The following GPATCH1 variants were observed in gnomAD, a reference collection of about 807,000 sequenced individuals.
GPATCH1 encodes the protein G-patch domain containing 1, also known as G patch domain-containing protein 1.
GPATCH1 carries 73 observed loss-of-function variants against 114.9 expected under a neutral mutation model. The observed-to-expected ratio is 0.64, with a 90% CI of 0.53 to 0.77. GPATCH1 has a LOEUF of 0.77. Among genes scored for constraint, GPATCH1 ranks in the 30% least tolerant of loss-of-function variants. The probability of loss-of-function intolerance (pLI) is 0.00; values close to 1 mark genes in which losing one functional copy is unlikely to be tolerated. For synonymous variants in GPATCH1, 391 were observed against 428.4 expected, an observed-to-expected ratio of 0.91 and a Z score of 1.08; for missense variants, 1,058 against 1,144.3, an observed-to-expected ratio of 0.92 and a Z score of 1.09.
At chr19:33,096,814 A>G (rs1019138984) in intron 7 of GPATCH1, among the ~76,000 whole-genome samples, 1 of 152,020 alleles carries the variant, frequency 6.6e-6, no homozygotes, top group African/African-American at 2.4e-5. Flanking sequence ...TTTTTAGTAG[A>G]GACGGGGTTT....
chr19:33,097,610 G>A (rs985697162), intron 7 of GPATCH1, 145 bp from the exon 8 acceptor site: 11 of 715,816 alleles, frequency 1.5e-5, no homozygotes, highest in Admixed American at 7.9e-5. Flanking sequence ...TGTGTTGGTC[G>A]ATCTGGGACC....
chr19:33,126,759 T>C (rs1225415677), intron 19 of GPATCH1, 26 bp downstream of exon 19: 3 of 1,568,966 alleles, frequency 1.9e-6, no homozygotes, highest in Admixed American at 1.9e-5. Context: ...TGGAGGGTTT[T>C]TCAGAAACCT....
intron 9 of GPATCH1, among the ~76,000 whole-genome samples, chr19:33,102,482 C>T (rs1422203492): frequency 1.3e-5 from 2 of 150,820 alleles, no homozygotes; most frequent in African/African-American, 2.4e-5. Flanking sequence ...CCGCAACCTC[C>T]GCCTCCCAAA....
At chr19:33,116,923 G>A (rs1174165383) in intron 15 of GPATCH1, among the ~76,000 whole-genome samples, 2 of 152,080 alleles carry the variant, frequency 1.3e-5, no homozygotes, top group African/African-American at 4.8e-5. Flanking sequence ...GGCTGGGTGT[G>A]TTGGCTCACA....
At chr19:33,084,598 G>T (rs756214372) in intron 1 of GPATCH1, among the ~76,000 whole-genome samples, 1 of 150,476 alleles carries the variant, frequency 6.6e-6, no homozygotes, top group Admixed American at 6.6e-5. Flanking sequence ...TCCATCTTCC[G>T]CTCATTCCTT....
chr19:33,087,001 G>T (rs1972540724), intron 1 of GPATCH1, among the ~76,000 whole-genome samples: 1 of 151,936 alleles, frequency 6.6e-6, no homozygotes, highest in African/African-American at 2.4e-5. Flanking sequence ...TATTTCTTGT[G>T]TCTCCCTCTT....
chr19:33,108,503 T>A (rs116040822), intron 10 of GPATCH1, among the ~76,000 whole-genome samples: 1,623 of 152,028 alleles, frequency 0.011, 28 homozygotes, highest in African/African-American at 0.037. Context: ...TTTTTGTGAA[T>A]CTGGCTCTTT....
At chr19:33,106,467 G>A (rs980793090) in intron 9 of GPATCH1, among the ~76,000 whole-genome samples, 1 of 152,068 alleles carries the variant, frequency 6.6e-6, no homozygotes, top group Admixed American at 6.6e-5. Context: ...TGGGTGGGAG[G>A]ATATTCGAAA....
Position 33,117,292 on chromosome 19 carries a change from C to T in GPATCH1, c.2197-533C>T, listed in dbSNP as rs567726377. On this transcript the variant is annotated intron_variant, in intron 15 of 19. Coordinates refer to ENST00000170564, the MANE Select transcript of GPATCH1 (RefSeq NM_018025.3). ...TTTTTACTTGGTCTTTGGATTTTAG[C>T]GGTTTGATTATGATGTATCTGGGTG... 7.2e-5 allele frequency among the ~76,000 whole-genome samples: 11 copies of T among 152,034 alleles called. No homozygotes were observed. The South Asian group carries it at 8.3e-4, about 11-fold the overall frequency.
chr19:33,106,599 C>T (rs1318022583), intron 9 of GPATCH1, 96 bp from the exon 10 acceptor site: 16 of 955,406 alleles, frequency 1.7e-5, no homozygotes, highest in Admixed American at 9.2e-5. Context: ...CGGGAAGGGG[C>T]GGGGTTAACA....
intron 10 of GPATCH1, among the ~76,000 whole-genome samples, chr19:33,107,436 T>G (rs1972798112): frequency 6.6e-6 from 1 of 152,218 alleles, no homozygotes; most frequent in Non-Finnish European, 1.5e-5. Flanking sequence ...GTTTTCAGAC[T>G]TGTCATAATT....
chr19:33,119,623 G>C (rs963018323), intron 17 of GPATCH1, among the ~76,000 whole-genome samples: 1 of 151,884 alleles, frequency 6.6e-6, no homozygotes, highest in Non-Finnish European at 1.5e-5. Context: ...GCTTGAACCC[G>C]GGAGGTGGAG....
chr19:33,112,213 G>A (rs1438463117), intron 12 of GPATCH1, among the ~76,000 whole-genome samples: 1 of 152,004 alleles, frequency 6.6e-6, no homozygotes, highest in African/African-American at 2.4e-5. Flanking sequence ...TGATCCACCC[G>A]CCTCGGCCTC....
chr19:33,094,982 G>A (rs571216277), intron 5 of GPATCH1, among the ~76,000 whole-genome samples: 92 of 152,150 alleles, frequency 6.0e-4, no homozygotes, highest in African/African-American at 1.7e-3. Flanking sequence ...TGGGCAACAC[G>A]GTGAAACCCT....
intron 9 of GPATCH1, 64 bp from the exon 10 acceptor site, chr19:33,106,631 T>C: frequency 7.4e-7 from 1 of 1,357,678 alleles, no homozygotes; most frequent in Admixed American, 1.7e-5. Flanking sequence ...TAACAGGTTT[T>C]CCTGATTAAA....
intron 1 of GPATCH1, among the ~76,000 whole-genome samples, chr19:33,082,403 C>T (rs548997246): frequency 1.2e-4 from 18 of 152,168 alleles, no homozygotes; most frequent in Non-Finnish European, 2.2e-4. Flanking sequence ...GGTGGGGGTC[C>T]CCTCCCTTTT....
Position 33,094,207 on chromosome 19 carries a change from G to T in GPATCH1, c.491G>T (p.Gly164Val), listed in dbSNP as rs375323278. 1.2e-6 allele frequency: 2 copies of T among 1,609,430 alleles called. No individual in the cohort carries two copies. The highest frequency in any genetic ancestry group is 1.1e-5 in the South Asian group (1 of 90,994). The change falls in exon 5 of 20, where the codon GGT (glycine) becomes GTT (valine). Residue 164 changes from glycine to valine, a missense_variant. Transcript: ENST00000170564. Reference protein sequence around the residue: ...SVGFELLRKMGWKEGQGVGPR... With the variant: ...SVGFELLRKMVWKEGQGVGPR... ...GGTTTCGAATTGCTAAGAAAAATGG[G>T]TTGGAAAGAAGGACAAGGAGTTGGT...
At chr19:33,100,731 C>G (rs923815148) in intron 8 of GPATCH1, among the ~76,000 whole-genome samples, 2 of 151,166 alleles carry the variant, frequency 1.3e-5, no homozygotes, top group Non-Finnish European at 2.9e-5. Context: ...CTGCTTCAGG[C>G]CTGAGCTCCT....
chr19:33,119,930 T>A (rs1231272480), intron 17 of GPATCH1, among the ~76,000 whole-genome samples: 1 of 145,248 alleles, frequency 6.9e-6, no homozygotes, highest in Non-Finnish European at 1.5e-5. Context: ...ATATAAAAAT[T>A]ATATATATTT....
Sources: gnomAD v4.1 joint callset for allele counts (sites outside exome capture counted in the v4.1 genomes callset) on GRCh38, gnomAD v4.1.1 for gene constraint, MANE v1.5 for transcripts, NCBI Gene and HGNC (gene_info 2026-07-23, HGNC 2026-07-21) for gene names.